LRRTM3: variants seen among roughly 807,000 people sequenced by gnomAD.
The protein encoded by LRRTM3 is leucine rich repeat transmembrane neuronal 3.
A neutral mutation model predicts 44.7 loss-of-function variants in LRRTM3; 24 were observed. That is an observed-to-expected ratio of 0.54 (90% confidence interval 0.39 to 0.76). LRRTM3 has a LOEUF of 0.76. LRRTM3 is among the 30% of genes least tolerant of loss of function. LRRTM3 has a pLI of 0.00. For synonymous variants in LRRTM3, 277 were observed against 278.7 expected (o/e 0.99, Z 0.06); for missense variants, 587 against 702.2 (o/e 0.84, Z 1.85).
intron 2 of LRRTM3, among the ~76,000 whole-genome samples, chr10:67,056,552 C>A (rs1855442824): frequency 6.6e-6 from 1 of 152,138 alleles, no homozygotes; most frequent in African/African-American, 2.4e-5. Context: ...CATCAAAGGA[C>A]AGGTTTGAAT....
chr10:66,971,238 C>A (rs750408125), intron 2 of LRRTM3, among the ~76,000 whole-genome samples: 4 of 151,960 alleles, frequency 2.6e-5, no homozygotes, highest in Non-Finnish European at 5.9e-5. Flanking sequence ...CCAGCCTGAC[C>A]AACATAGTGA....
chr10:66,942,083 T>C (rs1848027902), intron 2 of LRRTM3, among the ~76,000 whole-genome samples: 1 of 152,146 alleles, frequency 6.6e-6, no homozygotes, highest in Admixed American at 6.5e-5. Context: ...ATGGGAACAA[T>C]ACTTCATGTC....
intron 2 of LRRTM3, among the ~76,000 whole-genome samples, chr10:67,036,471 C>A (rs1456217890): frequency 2.0e-5 from 3 of 152,080 alleles, no homozygotes; most frequent in African/African-American, 7.2e-5. Flanking sequence ...TGAGATCAGC[C>A]TGGCCAACAT....
chr10:67,028,027 T>C (rs1216165422), intron 2 of LRRTM3, among the ~76,000 whole-genome samples: 2 of 152,196 alleles, frequency 1.3e-5, no homozygotes, highest in African/African-American at 2.4e-5. Context: ...GTATTTCATA[T>C]GTGAAAAAGA....
chr10:67,061,303 T>A (rs1855742317), intron 2 of LRRTM3, among the ~76,000 whole-genome samples: 1 of 152,186 alleles, frequency 6.6e-6, no homozygotes, highest in Admixed American at 6.6e-5. Context: ...AGAAGTTACA[T>A]CAGGTGCATA....
chr10:67,068,778 G>A (rs117764703), intron 2 of LRRTM3, among the ~76,000 whole-genome samples: 1,940 of 152,298 alleles, frequency 0.013, 14 homozygotes, highest in Non-Finnish European at 0.021. Flanking sequence ...TATGAGTTTG[G>A]ACCAGGCATT....
chr10:66,995,182 T>C (rs1394814256), intron 2 of LRRTM3, among the ~76,000 whole-genome samples: 1 of 152,178 alleles, frequency 6.6e-6, no homozygotes, highest in African/African-American at 2.4e-5. Context: ...ATGATTTCCA[T>C]ACTCTCCTCC....
At chr10:67,038,252 T>A (rs1854187587) in intron 2 of LRRTM3, among the ~76,000 whole-genome samples, 1 of 152,108 alleles carries the variant, frequency 6.6e-6, no homozygotes, top group South Asian at 2.1e-4. Flanking sequence ...TCTAAAAAAA[T>A]CTATCCTCCT....
At chr10:67,076,826 C>A (rs913423684) in intron 2 of LRRTM3, among the ~76,000 whole-genome samples, 24 of 152,146 alleles carry the variant, frequency 1.6e-4, no homozygotes, top group African/African-American at 5.8e-4. Flanking sequence ...GAAATAAAAT[C>A]AATTGACATA....
At chr10:67,009,672 T>C (rs1454241534) in intron 2 of LRRTM3, among the ~76,000 whole-genome samples, 5 of 152,172 alleles carry the variant, frequency 3.3e-5, no homozygotes, top group Non-Finnish European at 7.3e-5. Context: ...TATTATCTCT[T>C]TAGTCTCCTT....
At chr10:67,026,667 C>T (rs116158713) in intron 2 of LRRTM3, among the ~76,000 whole-genome samples, 3,644 of 152,178 alleles carry the variant, frequency 0.024, 161 homozygotes, top group African/African-American at 0.082. Context: ...AAACCAATTT[C>T]TTCATAAAGC....
At chr10:67,008,027 A>C (rs1189261874) in intron 2 of LRRTM3, among the ~76,000 whole-genome samples, 1 of 151,986 alleles carries the variant, frequency 6.6e-6, no homozygotes, top group Non-Finnish European at 1.5e-5. Context: ...CAGTATAAGA[A>C]CTTTAAATGA....
At chr10:67,052,313 ACTCTCTCTCTCTCTCT>A (rs3841706) in intron 2 of LRRTM3, among the ~76,000 whole-genome samples, 1 of 121,122 alleles carries the variant, frequency 8.3e-6, no homozygotes, top group Non-Finnish European at 1.7e-5. Flanking sequence ...CCCACTCATC[ACTCTCTCTCTCTCTCT>A]CTCTCTCTCT....
intron 2 of LRRTM3, among the ~76,000 whole-genome samples, chr10:66,996,289 T>C (rs1672114859): frequency 6.6e-6 from 1 of 152,186 alleles, no homozygotes; most frequent in African/African-American, 2.4e-5. Context: ...ACTTAGTAGC[T>C]GTGCAACAAA....
chr10:66,971,473 C>A (rs924549047), intron 2 of LRRTM3, among the ~76,000 whole-genome samples: 2 of 152,050 alleles, frequency 1.3e-5, no homozygotes, highest in Non-Finnish European at 1.5e-5. Context: ...TTAGAATAAG[C>A]ATAAGACTGT....
intron 2 of LRRTM3, among the ~76,000 whole-genome samples, chr10:67,043,266 A>G (rs1469148208): frequency 6.6e-6 from 1 of 151,982 alleles, no homozygotes; most frequent in Admixed American, 6.6e-5. Flanking sequence ...ATGGTATGAA[A>G]ATGGCCTGAG....
rs575491970 is a variant in LRRTM3, at chr10:66,981,156, G to C, written c.1536+52704G>C. On this transcript the variant is annotated intron_variant, in intron 2 of 2. Coordinates refer to ENST00000361320, the MANE Select transcript of LRRTM3 (RefSeq NM_178011.5). The stretch of plus-strand genomic sequence containing the variant: ...TAACCTCATGTGATCCACCTACCTT[G>C]GCCTCCCAAAGTGCTGGGATTACAG... Among the ~76,000 whole-genome samples the C allele has an allele frequency of 5.3e-5, 8 of 152,208 alleles. No individual in the cohort carries two copies. In the South Asian group the frequency reaches 8.3e-4, roughly 16 times the overall value.
chr10:66,927,591 T>C lies in LRRTM3; in HGVS notation c.675T>C (p.Phe225=). The C allele has an allele frequency of 6.2e-6, 10 of 1,614,188 alleles. No homozygotes were observed. The highest frequency in any genetic ancestry group is 1.1e-5 in the South Asian group (1 of 91,088). The part of the protein sequence containing the change: ...NQFSKLNLAL[F]PRLVSLQNLY... ...TTTCCAAGCTCAACCTGGCCCTTTTTCCAAGGTTGGTCAGCCTTCAGAACC... is the reference window on the plus strand; with the variant it reads ...TTTCCAAGCTCAACCTGGCCCTTTTCCCAAGGTTGGTCAGCCTTCAGAACC... The change falls in exon 2 of 3, where the codon TTT becomes TTC. Residue 225 remains phenylalanine (F), a synonymous_variant. Transcript: ENST00000361320. The surrounding 1 kb of genome is among the most constrained non-coding windows in gnomAD (Gnocchi z 4.7).
chr10:67,023,475 T>G (rs755905575), intron 2 of LRRTM3, among the ~76,000 whole-genome samples: 4 of 152,118 alleles, frequency 2.6e-5, no homozygotes, highest in Non-Finnish European at 5.9e-5. Flanking sequence ...ATGACTAAAA[T>G]CTACCCCTAG....
Sources: allele counts gnomAD v4.1 joint callset (sites outside exome capture counted in the v4.1 genomes callset), GRCh38; gene constraint gnomAD v4.1.1; non-coding constraint Gnocchi (gnomAD v3.1); transcripts MANE v1.5; gene names NCBI Gene and HGNC (gene_info 2026-07-23, HGNC 2026-07-21).